Variants in ENTPD1 observed in about 807,000 individuals in gnomAD.
ENTPD1 encodes ectonucleoside triphosphate diphosphohydrolase 1, also known as ATP diphosphohydrolase.
A neutral mutation model predicts 57.0 loss-of-function variants in ENTPD1; 33 were observed. The ratio of observed to expected loss-of-function variants is 0.58; its 90% CI spans 0.44 to 0.77. The LOEUF (loss-of-function observed/expected upper bound fraction) is 0.77. Among genes scored for constraint, ENTPD1 ranks in the 30% least tolerant of loss-of-function variants. The pLI, the probability that ENTPD1 is intolerant of heterozygous loss-of-function variation, is 0.00. For missense variants in ENTPD1, 501 were observed against 603.4 expected (o/e 0.83, Z 1.78); for synonymous variants, 202 against 218.8 (o/e 0.92, Z 0.68).
chr10:95,844,689 C>T (rs1021900430), intron 5 of ENTPD1, 54 bp downstream of exon 5: 77 of 1,605,532 alleles, frequency 4.8e-5, no homozygotes, highest in Non-Finnish European at 6.4e-5. Context: ...AATGCCATTG[C>T]TATCTCAGGC....
chr10:95,760,038 C>G (rs1038559792), intron 1 of ENTPD1, among the ~76,000 whole-genome samples: 1 of 152,188 alleles, frequency 6.6e-6, no homozygotes, highest in African/African-American at 2.4e-5. Context: ...GCTTGTAGTT[C>G]CAGCTACTCA....
intron 1 of ENTPD1, among the ~76,000 whole-genome samples, chr10:95,792,546 C>G (rs1216806588): frequency 1.3e-5 from 2 of 152,186 alleles, no homozygotes; most frequent in African/African-American, 4.8e-5. Context: ...TCGGGTTACT[C>G]TGTTGTAAGA....
chr10:95,871,650 T>G lies in ENTPD1; in HGVS notation c.*5267T>G. ...AAGACTCTTCATTTGAAGTGAAGAT[T>G]GCTATGTCTTTTGCATTGCTCTATT... On this transcript the variant is annotated 3_prime_UTR_variant, in exon 10 of 10. Coordinates refer to ENST00000371205, the MANE Select transcript of ENTPD1 (RefSeq NM_001776.6). 1.0e-6 allele frequency: 1 copy of G among 985,390 alleles called. No individual in the cohort carries two copies. Among genetic ancestry groups the G allele is most frequent in the Non-Finnish European group, 1.2e-6 (1 of 829,880 alleles). The allele number at this position is 985,390 out of a possible 1,614,324, so 61.0% of individuals were successfully genotyped here. A position where few individuals can be genotyped will look rare whatever the true frequency, so the allele number is the denominator to read the frequency against.
Position 95,747,442 on chromosome 10 carries a change from A to G in ENTPD1, c.37+35449A>G, listed in dbSNP as rs145280208. 1.8e-3 allele frequency among the ~76,000 whole-genome samples: 277 copies of G among 152,322 alleles called. 2 individuals are homozygous for G. The East Asian group carries it at 0.029, about 16-fold the overall frequency. ...CAGAGTACCACCTCTCATGAGTTTT[A>G]TCAATAGAATTCTGTTTTAATGGAG... On this transcript the variant is annotated intron_variant, in intron 1 of 9. Transcript: ENST00000453258.
At chr10:95,831,259 C>A (rs1483191316) in intron 2 of ENTPD1, among the ~76,000 whole-genome samples, 2 of 152,224 alleles carry the variant, frequency 1.3e-5, no homozygotes, top group African/African-American at 4.8e-5. Context: ...CCTGTACTCA[C>A]TTCCTCTGAT....
At chr10:95,747,095 A>G (rs759825391) in intron 1 of ENTPD1, among the ~76,000 whole-genome samples, 7 of 152,242 alleles carry the variant, frequency 4.6e-5, no homozygotes, top group Non-Finnish European at 1.0e-4. Context: ...GTTAATTGCC[A>G]TATAACATGT....
upstream of ENTPD1, among the ~76,000 whole-genome samples, chr10:95,709,469 C>T (rs531693138): frequency 9.2e-5 from 14 of 152,202 alleles, no homozygotes; most frequent in East Asian, 2.3e-3. Context: ...CTGCAACCTC[C>T]ACCTCCCGGG....
intron 4 of ENTPD1, among the ~76,000 whole-genome samples, chr10:95,844,130 T>C (rs1002834354): frequency 6.6e-6 from 1 of 152,186 alleles, no homozygotes; most frequent in African/African-American, 2.4e-5. Context: ...GCTTCAGGTA[T>C]GGTCATCAAA....
chr10:95,751,027 C>T (rs1429194900), upstream of ENTPD1, among the ~76,000 whole-genome samples: 1 of 151,776 alleles, frequency 6.6e-6, no homozygotes, highest in South Asian at 2.1e-4. Context: ...CATCTCAGAA[C>T]AAAACAAAAC....
At chr10:95,830,172 G>A (rs968179322) in intron 2 of ENTPD1, among the ~76,000 whole-genome samples, 7 of 152,168 alleles carry the variant, frequency 4.6e-5, no homozygotes, top group Non-Finnish European at 7.3e-5. Flanking sequence ...AAATGGTAAG[G>A]AGTTTTCTAG....
chr10:95,695,253 T>C, the ENTPD1 span, among the ~76,000 whole-genome samples: 2 of 152,186 alleles, frequency 1.3e-5, no homozygotes, highest in Non-Finnish European at 2.9e-5. Context: ...ACCACAGACG[T>C]GAGTAGCTAC....
At chr10:95,707,507 C>G (rs114714522), upstream of ENTPD1, among the ~76,000 whole-genome samples, 84 of 152,346 alleles carry the variant, frequency 5.5e-4, no homozygotes, top group African/African-American at 2.0e-3. Context: ...GGAGTAGTGA[C>G]TGGGTAGGAA....
At chr10:95,805,569 C>T (rs1028284639) in intron 1 of ENTPD1, among the ~76,000 whole-genome samples, 4 of 152,292 alleles carry the variant, frequency 2.6e-5, no homozygotes, top group African/African-American at 9.6e-5. Flanking sequence ...CTAGCTGATG[C>T]AGTTTCTTTC....
intron 1 of ENTPD1, among the ~76,000 whole-genome samples, chr10:95,747,744 T>C (rs756144857): frequency 1.3e-5 from 2 of 152,232 alleles, no homozygotes; most frequent in Non-Finnish European, 2.9e-5. Context: ...GAAACCTTGA[T>C]ATTGCTGCCT....
chr10:95,866,076 T>G (rs949059507), intron 9 of ENTPD1, 101 bp from the exon 10 acceptor site: 1 of 1,476,222 alleles, frequency 6.8e-7, no homozygotes, highest in Non-Finnish European at 9.3e-7. Context: ...GTGATTTATA[T>G]TGTTTGAACT....
chr10:95,860,623 C>A, intron 8 of ENTPD1, 41 bp downstream of exon 8: 1 of 1,542,814 alleles, frequency 6.5e-7, no homozygotes, highest in South Asian at 1.1e-5. Context: ...CATGAGTGCC[C>A]TGTGTCGTTG....
At chr10:95,788,570 T>C (rs1034874546) in intron 1 of ENTPD1, among the ~76,000 whole-genome samples, 3 of 151,546 alleles carry the variant, frequency 2.0e-5, no homozygotes, top group African/African-American at 7.3e-5. Context: ...TGAGCTGAGA[T>C]TGCACCACTG....
At chr10:95,806,884 C>G (rs1010368642) in intron 1 of ENTPD1, among the ~76,000 whole-genome samples, 1 of 152,148 alleles carries the variant, frequency 6.6e-6, no homozygotes, top group African/African-American at 2.4e-5. Flanking sequence ...CTGGAAGCTT[C>G]GTCCCAAAAG....
intron 1 of ENTPD1, among the ~76,000 whole-genome samples, chr10:95,806,376 C>A (rs1047624427): frequency 6.6e-6 from 1 of 152,168 alleles, no homozygotes; most frequent in Non-Finnish European, 1.5e-5. Flanking sequence ...ACTGTTTATT[C>A]TAGTTAGCCA....
Sources: allele counts gnomAD v4.1 joint callset (sites outside exome capture counted in the v4.1 genomes callset), GRCh38; gene constraint gnomAD v4.1.1; transcripts MANE v1.5; gene names NCBI Gene and HGNC (gene_info 2026-07-23, HGNC 2026-07-21).